Variants in FADS6 observed in about 807,000 individuals in gnomAD.
FADS6 encodes the protein fatty acid desaturase domain family, member 6.
In FADS6, 28 loss-of-function variants were observed where a neutral mutation model predicts 31.7. That is an observed-to-expected ratio of 0.88 (90% CI 0.66 to 1.21). The LOEUF is 1.21. FADS6 is among the 50% of genes most tolerant of loss of function. The pLI is 0.00. For missense variants in FADS6, 494 were observed against 504.2 expected, an observed-to-expected ratio of 0.98 and a Z score of 0.19; for synonymous variants, 191 against 213.1, an observed-to-expected ratio of 0.90 and a Z score of 0.90.
intron 2 of FADS6, among the ~76,000 whole-genome samples, chr17:74,888,993 G>A (rs2038660806): frequency 6.6e-6 from 1 of 152,204 alleles, no homozygotes; most frequent in Admixed American, 6.5e-5. Flanking sequence ...ATCAGTGGCA[G>A]GAGAGAAGGT....
In FADS6 at chr17:74,878,146, G is replaced by A; in HGVS notation, c.*185C>T. On this transcript the variant is annotated 3_prime_UTR_variant, in exon 6 of 6. Transcript: ENST00000612771. ...TCACCCAGACACCCCTCAAAACCCA[G>A]AAAAGCACGCAAGGCAGGTGGCCCC... is the stretch of plus-strand genomic sequence containing the variant. The A allele has an allele frequency of 7.0e-7, 1 of 1,421,616 alleles. No homozygotes were observed. The highest frequency in any genetic ancestry group is 9.2e-7 in the Non-Finnish European group (1 of 1,092,798). The allele number at this position is 1,421,616 out of a possible 1,614,324, so 88.1% of individuals were successfully genotyped here.
intron 2 of FADS6, among the ~76,000 whole-genome samples, chr17:74,887,711 G>C (rs1178150974): frequency 6.6e-6 from 1 of 152,158 alleles, no homozygotes; most frequent in African/African-American, 2.4e-5. Context: ...TTTTAAGATG[G>C]AGTCTTGCTC....
chr17:74,875,291 C>A (rs2038501140), downstream of FADS6, among the ~76,000 whole-genome samples: 1 of 152,192 alleles, frequency 6.6e-6, no homozygotes, highest in South Asian at 2.1e-4. Context: ...GTCAAGACAA[C>A]TTCCATAAAT....
In FADS6 at chr17:74,888,140, A is replaced by G. The variant is rs112652747; in HGVS notation, c.411+4383T>C. On this transcript the variant is annotated intron_variant, in intron 2 of 5. Coordinates refer to ENST00000612771, the MANE Select transcript of FADS6 (RefSeq NM_178128.6). ...GAGCTGAGACACCACACACACACAC[A>G]CACACACACACACACGCGCGCGCGC... Among the ~76,000 whole-genome samples, 92 of 111,318 alleles carry G rather than the reference A, an allele frequency of 8.3e-4. 2 individuals are homozygous for G. The highest frequency in any genetic ancestry group is 1.1e-3 in the African/African-American group (27 of 24,006). The allele number at this position is 111,318 out of a possible 152,430, so 73.0% of individuals were successfully genotyped here.
chr17:74,885,553 C>T (rs775025923), intron 2 of FADS6, among the ~76,000 whole-genome samples: 4 of 152,104 alleles, frequency 2.6e-5, no homozygotes, highest in Non-Finnish European at 4.4e-5. Context: ...CCTGCCAGAC[C>T]AACGCTGCCC....
intron 2 of FADS6, among the ~76,000 whole-genome samples, chr17:74,884,492 T>C (rs539337017): frequency 2.6e-4 from 39 of 152,258 alleles, no homozygotes; most frequent in African/African-American, 9.4e-4. Flanking sequence ...TGAGGCTGGG[T>C]AGTTTGTAAA....
chr17:74,874,852 A>G (rs35880761), downstream of FADS6, among the ~76,000 whole-genome samples: 14,892 of 152,248 alleles, frequency 0.098, 2,202 homozygotes, highest in African/African-American at 0.32. Flanking sequence ...GTCTATGGCT[A>G]TATTTGTGCT....
At chr17:74,886,147 G>A (rs1004567611) in intron 2 of FADS6, among the ~76,000 whole-genome samples, 2 of 151,498 alleles carry the variant, frequency 1.3e-5, no homozygotes, top group African/African-American at 4.9e-5. Context: ...GCTGAGGCAG[G>A]AGAATGTCAT....
chr17:74,881,241 C>T lies in FADS6; in HGVS notation c.607G>A (p.Val203Met), dbSNP rs375120638. ...GTCCGCAGGGCTGTCCCGAGCTCCA[C>T]CTTCCTCAGCCGCTCTGCCATAGAG... ...PLVAVERLRK[V>M]ELGTALRTLA... Residue 203 changes from valine (V) to methionine (M), a missense_variant, in exon 4 of 6, where the codon GTG becomes ATG. This residue lies in a region of FADS6 where 454 missense variants were observed against 438.5 expected (regional missense o/e 1.04). Coordinates refer to ENST00000612771, the MANE Select transcript of FADS6 (RefSeq NM_178128.6). The T allele has an allele frequency of 1.9e-5, 31 of 1,596,366 alleles. 1 individual carries two copies. The African/African-American group carries it at 3.3e-4, about 17-fold the overall frequency.
chr17:74,888,148 A>ATG (rs2038646225), intron 2 of FADS6, among the ~76,000 whole-genome samples: 124 of 122,826 alleles, frequency 1.0e-3, no homozygotes, highest in East Asian at 5.9e-3. Context: ...ACACACACAC[A>ATG]CACACACGCG....
Position 74,879,429 on chromosome 17 carries a change from C to A in FADS6, c.935G>T (p.Arg312Met), listed in dbSNP as rs1202698207. The change falls in exon 5 of 6, where the codon AGG (arginine) becomes ATG (methionine). Residue 312 changes from arginine to methionine, a missense_variant. Coordinates refer to ENST00000612771, the MANE Select transcript of FADS6 (RefSeq NM_178128.6). ...SCHVEHHLFPRLSDNMCLKVK... is the reference protein window; with the variant it reads ...SCHVEHHLFPMLSDNMCLKVK... ...CTTCAGGCACATGTTATCAGAGAGC[C>A]TGGGGAATAGATGGTGTTCCACATG... The A allele has an allele frequency of 6.2e-7, 1 of 1,613,804 alleles. No homozygotes were observed. Among genetic ancestry groups the A allele is most frequent in the Non-Finnish European group, 8.5e-7 (1 of 1,179,874 alleles).
intron 1 of FADS6, 41 bp from the exon 2 acceptor site, chr17:74,892,730 C>T: frequency 6.4e-7 from 1 of 1,554,512 alleles, no homozygotes. Flanking sequence ...TTCTCTAGCT[C>T]TGGGTGATCT....
rs547558216 is a variant in FADS6 at position 74,890,545 on chromosome 17, A to G, written c.411+1978T>C. On this transcript the variant is annotated intron_variant, in intron 2 of 5. Transcript: ENST00000612771. ...AGCGGGAGCCAAGCCTTTCCTCCCC[A>G]GCTTCGAGGGGGCTTGCAGGCCTGA... is the stretch of plus-strand genomic sequence containing the variant. 3.3e-5 allele frequency among the ~76,000 whole-genome samples: 5 copies of G among 152,262 alleles called. No homozygotes were observed. The South Asian group carries it at 1.0e-3, about 32-fold the overall frequency.
intron 2 of FADS6, among the ~76,000 whole-genome samples, chr17:74,888,080 A>G (rs2038642631): frequency 6.6e-6 from 1 of 150,430 alleles, no homozygotes; most frequent in Non-Finnish European, 1.5e-5. Flanking sequence ...ATTCACAGTT[A>G]TGTCCCCAGC....
At chr17:74,878,572 C>T in intron 5 of FADS6, 95 bp from the exon 6 acceptor site, 2 of 1,456,578 alleles carry the variant, frequency 1.4e-6, no homozygotes, top group Non-Finnish European at 1.9e-6. Flanking sequence ...CTTCCCACCC[C>T]CAGTTCCTAT....
chr17:74,892,412 C>T, intron 2 of FADS6, 111 bp downstream of exon 2: 1 of 1,318,742 alleles, frequency 7.6e-7, no homozygotes, highest in South Asian at 1.5e-5. Context: ...GCTGCAGCGG[C>T]CTGCCCCCGT....
intron 2 of FADS6, among the ~76,000 whole-genome samples, chr17:74,886,483 A>T (rs1390428777): frequency 7.0e-6 from 1 of 142,242 alleles, no homozygotes; most frequent in African/African-American, 2.7e-5. Flanking sequence ...AAAAAAAAAA[A>T]CTAAAAGAGG....
intron 2 of FADS6, among the ~76,000 whole-genome samples, chr17:74,884,769 G>A (rs1023592252): frequency 1.3e-5 from 2 of 151,884 alleles, no homozygotes; most frequent in East Asian, 3.9e-4. Flanking sequence ...GTGCAATGGT[G>A]CGATCTCGGC....
chr17:74,890,636 G>T (rs912075252), intron 2 of FADS6, among the ~76,000 whole-genome samples: 2 of 152,148 alleles, frequency 1.3e-5, no homozygotes, highest in Non-Finnish European at 1.5e-5. Flanking sequence ...ATTGCCAAGA[G>T]CTCAAGTCTG....
Sources: gnomAD v4.1 joint callset for allele counts (sites outside exome capture counted in the v4.1 genomes callset) on GRCh38, gnomAD v4.1.1 for gene constraint, gnomAD v4.1.1 regional missense constraint, MANE v1.5 for transcripts, NCBI Gene and HGNC (gene_info 2026-07-23, HGNC 2026-07-21) for gene names.